ARL13B: variants seen among roughly 807,000 people sequenced by gnomAD.
The protein encoded by ARL13B is ADP-ribosylation factor-like protein 13B.
A neutral mutation model predicts 56.1 loss-of-function variants in ARL13B; 36 were observed. That is an observed-to-expected ratio of 0.64 (90% CI 0.49 to 0.85). The LOEUF (loss-of-function observed/expected upper bound fraction) is 0.85, where lower values mean the gene tolerates loss of function less well. ARL13B is among the 40% of genes least tolerant of loss of function. The pLI, the probability that ARL13B is intolerant of heterozygous loss-of-function variation, is 0.00. For missense variants in ARL13B, 519 were observed against 507.1 expected (o/e 1.02, Z -0.23); for synonymous variants, 178 against 171.1 (o/e 1.04, Z -0.32).
intron 9 of ARL13B, among the ~76,000 whole-genome samples, chr3:94,052,096 G>A (rs553607079): frequency 5.9e-5 from 9 of 151,978 alleles, no homozygotes; most frequent in East Asian, 1.9e-4. Context: ...ACTTGTGTAC[G>A]TTAGAATACA....
Position 94,053,193 on chromosome 3 carries a change from A to G in ARL13B, c.1217A>G (p.Tyr406Cys), listed in dbSNP as rs149679906. ...PLGETHHNDF[Y>C]RKPLPPLAVP... ...GTTTTCTTTCTTTTCTTAGATTTCT[A>G]TAGGAAGCCACTGCCTCCCCTGGCT... Residue 406 changes from tyrosine (Y) to cysteine (C), a missense_variant, in exon 10 of 10, where the codon TAT becomes TGT. By Grantham distance (194) the Tyr-to-Cys change is radical. Coordinates refer to ENST00000394222, the MANE Select transcript of ARL13B (RefSeq NM_001174150.2). The G allele has an allele frequency of 6.1e-5, 99 of 1,611,832 alleles. No individual in the cohort carries two copies. The African/African-American group carries it at 8.4e-4, about 14-fold the overall frequency.
At chr3:94,051,179 A>G (rs2077061384) in intron 9 of ARL13B, among the ~76,000 whole-genome samples, 1 of 152,076 alleles carries the variant, frequency 6.6e-6, no homozygotes, top group Admixed American at 6.5e-5. Context: ...TATAATAAAA[A>G]GGAAATGTTT....
intron 3 of ARL13B, among the ~76,000 whole-genome samples, chr3:94,004,609 C>T (rs1002716455): frequency 1.4e-5 from 2 of 147,884 alleles, no homozygotes; most frequent in Non-Finnish European, 3.0e-5. Flanking sequence ...TTCCCTTGTT[C>T]TTGTGGTTCA....
chr3:93,980,287 T>A lies in ARL13B; in HGVS notation c.-137T>A. 1 of 1,195,056 alleles carries A rather than the reference T, an allele frequency of 8.4e-7. No homozygotes were observed. The highest frequency in any genetic ancestry group is 1.2e-6 in the Non-Finnish European group (1 of 823,586). The allele number at this position is 1,195,056 out of a possible 1,614,324, so 74.0% of individuals were successfully genotyped here. ...AGGCTTAGTGCTCGGGCCGGCCGCCTTCACTTCCCTCCCGGCTTTTCCTCC... is the reference window on the plus strand; with the variant it reads ...AGGCTTAGTGCTCGGGCCGGCCGCCATCACTTCCCTCCCGGCTTTTCCTCC... On this transcript the variant is annotated 5_prime_UTR_variant, in exon 1 of 10. Transcript: ENST00000394222.
At position 94,053,359 on chromosome 3, in the gene ARL13B, G is replaced by A. The variant is rs1245880193; in HGVS notation, c.*96G>A. ...AAACATCTTGTAAATTGATGACTGG[G>A]GCAAGATAACCATAATAATTTTAGT... On this transcript the variant is annotated 3_prime_UTR_variant, in exon 10 of 10. Coordinates refer to ENST00000394222, the MANE Select transcript of ARL13B (RefSeq NM_001174150.2). The A allele has an allele frequency of 9.2e-7, 1 of 1,092,118 alleles. No homozygotes were observed. The highest frequency in any genetic ancestry group is 1.3e-5 in the South Asian group (1 of 78,770). 67.7% of individuals were successfully genotyped at this position (1,092,118 alleles called of 1,614,324 possible).
chr3:94,005,523 C>T (rs929819924), intron 3 of ARL13B, among the ~76,000 whole-genome samples: 5 of 152,154 alleles, frequency 3.3e-5, no homozygotes, highest in Admixed American at 2.0e-4. Context: ...AAAATATTTG[C>T]TTTCAATTCT....
At chr3:94,014,879 T>G in intron 3 of ARL13B, 1 of 1,613,992 alleles carries the variant, frequency 6.2e-7, no homozygotes, top group South Asian at 1.1e-5. Flanking sequence ...TTAAGTATCC[T>G]TGTGACCACT....
At chr3:94,050,983 GT>G in intron 9 of ARL13B, 91 bp downstream of exon 9, 2 of 1,251,800 alleles carry the variant, frequency 1.6e-6, no homozygotes, top group Non-Finnish European at 2.3e-6. Context: ...TTATGTTTTA[GT>G]TTTAGAAGCT....
chr3:94,014,393 A>G, intron 3 of ARL13B: 2 of 1,525,318 alleles, frequency 1.3e-6, no homozygotes, highest in South Asian at 1.4e-5. Context: ...CTTTATTTTG[A>G]GCTACAGCAT....
At chr3:94,030,270 A>G (rs899815032) in intron 3 of ARL13B, among the ~76,000 whole-genome samples, 5 of 152,082 alleles carry the variant, frequency 3.3e-5, no homozygotes, top group Admixed American at 6.6e-5. Flanking sequence ...TCTGTCACCC[A>G]GCCTGGAGTG....
intron 8 of ARL13B, among the ~76,000 whole-genome samples, chr3:94,049,860 A>G (rs953013086): frequency 9.2e-5 from 14 of 151,996 alleles, no homozygotes; most frequent in African/African-American, 3.4e-4. Flanking sequence ...GAGTTTTTAA[A>G]ACATTGAACC....
In ARL13B at chr3:93,989,555, A is replaced by AT. The variant is rs200041280; in HGVS notation, c.60-6302dup. The stretch of plus-strand genomic sequence containing the variant: ...TTTAAGCAGAAAAATGCTATGGTTA[A>AT]TTTTTTTTTTTTTTTTTAAACAGCC... On this transcript the variant is annotated intron_variant, in intron 1 of 9. Coordinates refer to ENST00000394222, the MANE Select transcript of ARL13B (RefSeq NM_001174150.2). Among the ~76,000 whole-genome samples the AT allele has an allele frequency of 2.7e-3, 400 of 148,464 alleles. 2 individuals are homozygous for AT. Among genetic ancestry groups the AT allele is most frequent in the Non-Finnish European group, 4.5e-3 (303 of 67,042 alleles).
At position 94,054,390 on chromosome 3, in the gene ARL13B, A is replaced by G; in HGVS notation, c.*1127A>G. ...GATAGCACTTCTCTTGCACTTAAGA[A>G]TGGCATCCATAAGATTCTGTATTTG... On this transcript the variant is annotated 3_prime_UTR_variant, in exon 10 of 10. Transcript: ENST00000394222. 2.4e-6 allele frequency: 1 copy of G among 410,630 alleles called. No individual in the cohort carries two copies. Among genetic ancestry groups the G allele is most frequent in the Non-Finnish European group, 4.8e-6 (1 of 207,748 alleles). The allele number at this position is 410,630 out of a possible 1,614,324, so 25.4% of individuals were successfully genotyped here.
intron 1 of ARL13B, among the ~76,000 whole-genome samples, chr3:93,981,822 C>A (rs1453040731): frequency 7.5e-6 from 1 of 133,756 alleles, no homozygotes; most frequent in African/African-American, 2.8e-5. Flanking sequence ...TGCAGTGAGC[C>A]GATATCGCTG....
chr3:94,015,759 G>A (rs2076320526), intron 3 of ARL13B, among the ~76,000 whole-genome samples: 3 of 152,186 alleles, frequency 2.0e-5, no homozygotes, highest in African/African-American at 7.2e-5. Flanking sequence ...TGACAGTACA[G>A]ATTTTATATG....
intron 2 of ARL13B, among the ~76,000 whole-genome samples, chr3:93,998,925 CTTTT>C (rs78985252): frequency 7.1e-6 from 1 of 141,398 alleles, no homozygotes; most frequent in South Asian, 2.2e-4. Context: ...TCTCAGCCTT[CTTTT>C]TTTTTTTTTT....
chr3:94,037,388 G>C (rs138843261), intron 5 of ARL13B, among the ~76,000 whole-genome samples: 1 of 152,146 alleles, frequency 6.6e-6, no homozygotes, highest in Non-Finnish European at 1.5e-5. Context: ...CACTACCCTT[G>C]GTGACCCATT....
Position 94,035,435 on chromosome 3 carries a change from T to C in ARL13B, c.485T>C (p.Ile162Thr), listed in dbSNP as rs1576026230. ...AATGAGCACAAGTGCCTGTGTCAGA[T>C]AGTAAGGTTTTTTTTTTTTTTTTAA... is the stretch of plus-strand genomic sequence containing the variant. ...LVNEHKCLCQIEPCSAISGYG... is the reference protein window; with the variant it reads ...LVNEHKCLCQTEPCSAISGYG... Residue 162 changes from isoleucine to threonine, a missense_variant and splice_region_variant, in exon 4 of 10, where the codon ATA (isoleucine) becomes ACA (threonine). Ile to Thr is a moderately conservative substitution (Grantham distance 89). Transcript: ENST00000394222. 3.8e-6 allele frequency: 6 copies of C among 1,568,770 alleles called. No individual in the cohort carries two copies. The highest frequency in any genetic ancestry group is 5.2e-6 in the Non-Finnish European group (6 of 1,156,480).
At chr3:94,015,298 T>G in intron 3 of ARL13B, 2 of 1,499,526 alleles carry the variant, frequency 1.3e-6, no homozygotes, top group Non-Finnish European at 1.8e-6. Flanking sequence ...AAGCAAAAAT[T>G]TTTGTGTTGA....
Sources: allele counts gnomAD v4.1 joint callset (sites outside exome capture counted in the v4.1 genomes callset), GRCh38; gene constraint gnomAD v4.1.1; transcripts MANE v1.5; gene names NCBI Gene and HGNC (gene_info 2026-07-23, HGNC 2026-07-21).